Variants in TSPAN1 observed in about 807,000 individuals in gnomAD.
The protein encoded by TSPAN1 is tetraspanin-1.
TSPAN1 carries 23 observed loss-of-function variants against 26.9 expected under a neutral mutation model. The observed-to-expected ratio is 0.85, with a 90% CI of 0.62 to 1.21. TSPAN1 has a LOEUF of 1.21. Ranked by LOEUF, TSPAN1 falls within the 50% of genes most tolerant of loss-of-function variation. The pLI, the probability that TSPAN1 is intolerant of heterozygous loss-of-function variation, is 0.00. For missense variants in TSPAN1, 283 were observed against 298.4 expected, an observed-to-expected ratio of 0.95 and a Z score of 0.38; for synonymous variants, 115 against 114.8, an observed-to-expected ratio of 1.00 and a Z score of -0.01.
At chr1:46,192,278 C>G in the TSPAN1 span, 5 of 1,614,040 alleles carry the variant, frequency 3.1e-6, no homozygotes, top group Admixed American at 1.7e-5. Context: ...GTAGGGGACT[C>G]CAGCCCCCTC....
chr1:46,178,528 CCCT>C (rs1287882894), intron 1 of TSPAN1, among the ~76,000 whole-genome samples: 1 of 152,028 alleles, frequency 6.6e-6, no homozygotes, highest in African/African-American at 2.4e-5. Context: ...TTCCCCCATC[CCCT>C]CCTCCAGCCT....
chr1:46,192,653 G>C, the TSPAN1 span: 1 of 1,605,976 alleles, frequency 6.2e-7, no homozygotes, highest in South Asian at 1.1e-5. Flanking sequence ...ACACAGAGAT[G>C]CTAGAATTGC....
intron 3 of TSPAN1, among the ~76,000 whole-genome samples, chr1:46,182,317 A>AAAAAAAAAAAAAAAAAAAAAAAC: frequency 6.8e-6 from 1 of 146,226 alleles, no homozygotes; most frequent in East Asian, 2.1e-4. Flanking sequence ...AAAAAAAAAA[A>AAAAAAAAAAAAAAAAAAAAAAAC]GCCACTGTGA....
chr1:46,192,017 G>A, the TSPAN1 span: 1 of 1,507,348 alleles, frequency 6.6e-7, no homozygotes. Flanking sequence ...GCAAGTAGCA[G>A]AGCTAAGATT....
intron 1 of TSPAN1, among the ~76,000 whole-genome samples, chr1:46,179,930 AAAGT>A (rs72135584): frequency 0.036 from 5,450 of 152,064 alleles, 326 homozygotes; most frequent in African/African-American, 0.12. Context: ...CATTTCCTTG[AAAGT>A]GAGTGAGAGA....
At chr1:46,189,513 A>C, downstream of TSPAN1, 1 of 1,613,664 alleles carries the variant, frequency 6.2e-7, no homozygotes, top group South Asian at 1.1e-5. Context: ...TTCCGAAACA[A>C]TCTCCACAGG....
the TSPAN1 span, chr1:46,195,663 A>T: frequency 1.3e-6 from 1 of 778,690 alleles, no homozygotes; most frequent in Non-Finnish European, 2.2e-6. Flanking sequence ...TTGCTGAATT[A>T]ATACAAATGT....
chr1:46,185,170 C>T lies in TSPAN1; in HGVS notation c.594+55C>T, dbSNP rs2234271. 330 of 1,613,954 alleles carry T rather than the reference C, an allele frequency of 2.0e-4. 2 individuals carry two copies. In the African/African-American group the frequency reaches 3.7e-3, roughly 18 times the overall value. On this transcript the variant is annotated intron_variant, in intron 7 of 8. Coordinates refer to ENST00000372003, the MANE Select transcript of TSPAN1 (RefSeq NM_005727.4). Reference sequence around the variant, plus strand: ...GTTTTCATGGCCTCAGAGTGGCAAACGGGGATGGGAGTAGGGCAGCTGCCA... The same window carrying T: ...GTTTTCATGGCCTCAGAGTGGCAAATGGGGATGGGAGTAGGGCAGCTGCCA...
chr1:46,182,175 T>C (rs1004006812), intron 3 of TSPAN1, among the ~76,000 whole-genome samples: 2 of 150,840 alleles, frequency 1.3e-5, no homozygotes, highest in South Asian at 2.1e-4. Flanking sequence ...CCAGTGGAGG[T>C]GCAGCTCAGA....
chr1:46,194,123 AC>A, the TSPAN1 span: 1 of 1,537,624 alleles, frequency 6.5e-7, no homozygotes, highest in Non-Finnish European at 8.8e-7. Flanking sequence ...CTGCCCCTTC[AC>A]CCCAGCCCTG....
the TSPAN1 span, chr1:46,195,880 A>G: frequency 6.2e-7 from 1 of 1,613,580 alleles, no homozygotes; most frequent in Non-Finnish European, 8.5e-7. Context: ...CCTCATCCTC[A>G]TGAGGTGAGT....
chr1:46,194,809 G>A, the TSPAN1 span: 3 of 1,613,630 alleles, frequency 1.9e-6, no homozygotes, highest in Non-Finnish European at 2.5e-6. Flanking sequence ...CCAGGCTCTT[G>A]ATACTACAGA....
the TSPAN1 span, chr1:46,191,284 C>T: frequency 2.2e-5 from 5 of 225,494 alleles, no homozygotes; most frequent in South Asian, 6.8e-5. Flanking sequence ...CCAAGCTGGA[C>T]GCTATTCATT....
At chr1:46,189,058 T>C, downstream of TSPAN1, 1 of 1,530,328 alleles carries the variant, frequency 6.5e-7, no homozygotes, top group Non-Finnish European at 8.7e-7. Flanking sequence ...CCTGCCCTTC[T>C]CCAACAAGGA....
At chr1:46,190,994 C>T in the TSPAN1 span, 4 of 559,858 alleles carry the variant, frequency 7.1e-6, 1 homozygote, top group Admixed American at 9.1e-5. Context: ...CTGGAGAGCT[C>T]ATGCTGTCAC....
chr1:46,180,980 G>T, intron 2 of TSPAN1, 120 bp from the exon 3 acceptor site: 2 of 773,052 alleles, frequency 2.6e-6, no homozygotes, highest in Non-Finnish European at 4.3e-6. Flanking sequence ...GGAGAAGCTT[G>T]GTGAGATATG....
Position 46,184,284 on chromosome 1 carries a change from A to G in TSPAN1, c.151A>G (p.Met51Val), listed in dbSNP as rs1203011288. 6 of 1,614,060 alleles carry G rather than the reference A, an allele frequency of 3.7e-6. No homozygotes were observed. The highest frequency in any genetic ancestry group is 5.1e-6 in the Non-Finnish European group (6 of 1,180,042). The part of the protein sequence containing the change: ...KIFGPLSSSA[M>V]QFVNVGYFLI... ...CTTCGGGCCACTGTCGTCCAGTGCC[A>G]TGCAGTTTGTCAACGTGGGCTACTT... Residue 51 changes from methionine to valine, a missense_variant, in exon 4 of 9, where the codon ATG becomes GTG. Transcript: ENST00000372003.
intron 3 of TSPAN1, among the ~76,000 whole-genome samples, chr1:46,181,560 T>C (rs1657316300): frequency 1.3e-5 from 2 of 152,250 alleles, no homozygotes; most frequent in African/African-American, 2.4e-5. Context: ...GAAATTCTTC[T>C]GTATGACGGG....
downstream of TSPAN1, chr1:46,190,013 T>C (rs778954334): frequency 2.5e-6 from 4 of 1,612,878 alleles, no homozygotes; most frequent in Non-Finnish European, 3.4e-6. Flanking sequence ...TGGGAGAATA[T>C]AGCCAAGACA....
Sources: gnomAD v4.1 joint callset for allele counts (sites outside exome capture counted in the v4.1 genomes callset) on GRCh38, gnomAD v4.1.1 for gene constraint, MANE v1.5 for transcripts, NCBI Gene and HGNC (gene_info 2026-07-23, HGNC 2026-07-21) for gene names.